OSBPL8: variants seen among roughly 807,000 people sequenced by gnomAD.
OSBPL8 encodes the protein oxysterol binding protein like 8.
In OSBPL8, 59 loss-of-function variants were observed where a neutral mutation model predicts 125.5. The ratio of observed to expected loss-of-function variants is 0.47; its 90% CI spans 0.38 to 0.58. The LOEUF (loss-of-function observed/expected upper bound fraction) is 0.58. OSBPL8 is among the 20% of genes least tolerant of loss of function. The probability of loss-of-function intolerance (pLI) is 0.00; values close to 1 mark genes in which losing one functional copy is unlikely to be tolerated. For synonymous variants in OSBPL8, 330 were observed against 338.9 expected, an observed-to-expected ratio of 0.97 and a Z score of 0.29; for missense variants, 758 against 1,047.8, an observed-to-expected ratio of 0.72 and a Z score of 3.82.
At chr12:76,383,122 A>G (rs74103412) in intron 15 of OSBPL8, among the ~76,000 whole-genome samples, 54 of 152,278 alleles carry the variant, frequency 3.5e-4, no homozygotes, top group Middle Eastern at 3.4e-3. Context: ...ATTATAAAGG[A>G]ACAGATAGCT....
At chr12:76,478,283 T>C (rs981843095) in intron 2 of OSBPL8, among the ~76,000 whole-genome samples, 2 of 152,090 alleles carry the variant, frequency 1.3e-5, no homozygotes, top group Non-Finnish European at 2.9e-5. Context: ...TGGAAAGTTC[T>C]ACTGTGCCCT....
intron 1 of OSBPL8, among the ~76,000 whole-genome samples, chr12:76,508,604 T>C (rs895096921): frequency 2.0e-5 from 3 of 152,220 alleles, no homozygotes; most frequent in African/African-American, 7.2e-5. Context: ...GATAAAGACC[T>C]TGCAGATAAA....
chr12:76,360,509 T>C (rs951529889), intron 21 of OSBPL8, among the ~76,000 whole-genome samples: 4 of 152,046 alleles, frequency 2.6e-5, no homozygotes, highest in Admixed American at 2.0e-4. Context: ...CATTCTGGGG[T>C]CTAGAGGACG....
intron 4 of OSBPL8, among the ~76,000 whole-genome samples, chr12:76,443,991 AT>A (rs1425553031): frequency 6.6e-6 from 1 of 152,286 alleles, no homozygotes; most frequent in East Asian, 1.9e-4. Context: ...GAATAATCTA[AT>A]TCACCAAAAT....
chr12:76,470,984 A>G (rs1193785002), intron 2 of OSBPL8, among the ~76,000 whole-genome samples: 1 of 152,236 alleles, frequency 6.6e-6, no homozygotes, highest in African/African-American at 2.4e-5. Flanking sequence ...ACTAATGAAT[A>G]TAACAACTTT....
Position 76,487,570 on chromosome 12 carries a change from T to G in OSBPL8, c.-19A>C, listed in dbSNP as rs748335625. On this transcript the variant is annotated 5_prime_UTR_variant, in exon 2 of 24. It removes the in-frame stop codon of an upstream open reading frame in the 5' UTR. Coordinates refer to ENST00000261183, the MANE Select transcript of OSBPL8 (RefSeq NM_020841.5). Reference sequence around the variant, plus strand: ...CCTCCATAATGAAAGAAGATAGGTTTATGCTTCTCTTTCCATTAATGTGCA... The same window carrying G: ...CCTCCATAATGAAAGAAGATAGGTTGATGCTTCTCTTTCCATTAATGTGCA... 3 of 1,582,518 alleles carry G rather than the reference T, an allele frequency of 1.9e-6. No individual in the cohort carries two copies. The South Asian group carries it at 3.5e-5, about 19-fold the overall frequency.
chr12:76,362,396 G>A (rs976136820), intron 21 of OSBPL8, among the ~76,000 whole-genome samples: 5 of 152,054 alleles, frequency 3.3e-5, no homozygotes, highest in Non-Finnish European at 5.9e-5. Flanking sequence ...ATCAATAAAC[G>A]TAATCCATCA....
At chr12:76,360,692 C>T (rs778286342) in intron 21 of OSBPL8, among the ~76,000 whole-genome samples, 1 of 152,202 alleles carries the variant, frequency 6.6e-6, no homozygotes, top group African/African-American at 2.4e-5. Context: ...CTTCTGAAAT[C>T]GAGGTGGAGG....
chr12:76,519,683 C>T (rs574161696), intron 1 of OSBPL8, among the ~76,000 whole-genome samples: 74 of 152,232 alleles, frequency 4.9e-4, no homozygotes, highest in South Asian at 3.1e-3. Context: ...TGACCACATC[C>T]GCTTTTGGTG....
intron 21 of OSBPL8, among the ~76,000 whole-genome samples, chr12:76,359,607 G>A (rs1013510327): frequency 2.0e-4 from 31 of 152,292 alleles, no homozygotes; most frequent in African/African-American, 7.2e-4. Context: ...AGACATTCCC[G>A]AGACTGGGAT....
chr12:76,485,297 C>T (rs1050982520), intron 2 of OSBPL8, among the ~76,000 whole-genome samples: 2 of 152,022 alleles, frequency 1.3e-5, no homozygotes, highest in East Asian at 1.9e-4. Flanking sequence ...TAAGACCGGG[C>T]GCAGTAGCTC....
At position 76,504,752 on chromosome 12, in the gene OSBPL8, T is replaced by G. The variant is rs965864583; in HGVS notation, c.-67-17134A>C. 3.1e-4 allele frequency among the ~76,000 whole-genome samples: 47 copies of G among 152,098 alleles called. 4 individuals carry two copies. The highest frequency in any genetic ancestry group is 4.4e-5 in the Non-Finnish European group (3 of 68,032). Reference sequence around the variant, plus strand: ...TAATGAAAAGTCACAAGGTTAGGAGTATAAGTGGCTGAATTCTTATATGAT... The same window carrying G: ...TAATGAAAAGTCACAAGGTTAGGAGGATAAGTGGCTGAATTCTTATATGAT... On this transcript the variant is annotated intron_variant, in intron 1 of 23. Coordinates refer to ENST00000261183, the MANE Select transcript of OSBPL8 (RefSeq NM_020841.5).
At chr12:76,359,495 G>A (rs889893462) in intron 21 of OSBPL8, among the ~76,000 whole-genome samples, 3 of 152,160 alleles carry the variant, frequency 2.0e-5, no homozygotes, top group African/African-American at 4.8e-5. Context: ...TAATAGATTT[G>A]TAATTTTGGT....
intron 10 of OSBPL8, among the ~76,000 whole-genome samples, chr12:76,391,525 G>C (rs1452875925): frequency 1.3e-5 from 2 of 152,044 alleles, no homozygotes; most frequent in Non-Finnish European, 2.9e-5. Context: ...AGATTTTAAA[G>C]AGAGTGGGGG....
intron 4 of OSBPL8, among the ~76,000 whole-genome samples, chr12:76,444,742 T>C (rs867541626): frequency 6.6e-6 from 1 of 152,184 alleles, no homozygotes; most frequent in Non-Finnish European, 1.5e-5. Flanking sequence ...AAACACATTA[T>C]GTTACTGAGC....
At chr12:76,458,952 T>C (rs1874378063) in intron 3 of OSBPL8, among the ~76,000 whole-genome samples, 1 of 152,188 alleles carries the variant, frequency 6.6e-6, no homozygotes, top group African/African-American at 2.4e-5. Flanking sequence ...CCTAAATCAA[T>C]ATAATTTTCT....
intron 10 of OSBPL8, among the ~76,000 whole-genome samples, chr12:76,391,201 C>T (rs535917284): frequency 2.0e-5 from 3 of 152,158 alleles, no homozygotes; most frequent in South Asian, 2.1e-4. Context: ...AAATTCTATT[C>T]GTCTGAAAGG....
In OSBPL8 at chr12:76,420,482, C is replaced by T. The variant is rs573814894; in HGVS notation, c.218-9848G>A. ...CATGACATCACTATGGGTACAGGGG[C>T]AGGGGTGTCACATCCATGTTATAGC... On this transcript the variant is annotated intron_variant, in intron 4 of 23. Transcript: ENST00000261183. Among the ~76,000 whole-genome samples the T allele has an allele frequency of 4.6e-5, 7 of 151,948 alleles. No individual in the cohort carries two copies. In the South Asian group the frequency reaches 1.5e-3, roughly 32 times the overall value.
intron 4 of OSBPL8, among the ~76,000 whole-genome samples, chr12:76,445,406 C>T (rs1023923258): frequency 6.6e-5 from 10 of 152,074 alleles, no homozygotes; most frequent in African/African-American, 2.4e-4. Flanking sequence ...AAAACATCTG[C>T]TCTTAGAAAG....
Sources: allele counts gnomAD v4.1 joint callset (sites outside exome capture counted in the v4.1 genomes callset), GRCh38; gene constraint gnomAD v4.1.1; transcripts MANE v1.5; gene names NCBI Gene and HGNC (gene_info 2026-07-23, HGNC 2026-07-21).